Variants in HTR2C observed in about 807,000 individuals in gnomAD.
HTR2C encodes 5-hydroxytryptamine (serotonin) receptor 2C, G protein-coupled.
Under a neutral mutation model 21.0 loss-of-function variants are expected in HTR2C, and 5 were observed. The ratio of observed to expected loss-of-function variants is 0.24; its 90% CI spans 0.12 to 0.50. The LOEUF (loss-of-function observed/expected upper bound fraction) is 0.50, where lower values mean the gene tolerates loss of function less well. Among genes scored for constraint, HTR2C ranks in the 20% least tolerant of loss-of-function variants. HTR2C has a pLI of 0.98. For missense variants in HTR2C, 271 were observed against 371.2 expected (o/e 0.73, Z 2.22); for synonymous variants, 150 against 145.3 (o/e 1.03, Z -0.23).
At chrX:114,615,115 G>C (rs1289836235) in intron 2 of HTR2C, among the ~76,000 whole-genome samples, 1 of 111,471 alleles carries the variant, frequency 9.0e-6, no homozygotes, top group Non-Finnish European at 1.9e-5. Context: ...AAAGAGGATA[G>C]GGATGGAATA....
intron 2 of HTR2C, among the ~76,000 whole-genome samples, chrX:114,685,950 G>A (rs1931899619): frequency 9.0e-6 from 1 of 110,934 alleles, no homozygotes; most frequent in Admixed American, 9.7e-5. Flanking sequence ...TCATCATTAG[G>A]GAAATTGGCC....
intron 5 of HTR2C, among the ~76,000 whole-genome samples, chrX:114,876,234 A>T (rs895930284): frequency 3.6e-5 from 4 of 109,736 alleles, no homozygotes. Flanking sequence ...TAGAAATGCA[A>T]CTGATTTTTG....
chrX:114,883,501 T>C (rs2071197889), intron 5 of HTR2C, among the ~76,000 whole-genome samples: 1 of 110,510 alleles, frequency 9.0e-6, no homozygotes, highest in South Asian at 3.8e-4. Flanking sequence ...GTGTCTTAGA[T>C]GGAAGCTCAG....
rs143877169 is a variant in HTR2C at position 114,782,397 on chromosome X, T to G, written c.349+50790T>G. 5.0e-3 allele frequency among the ~76,000 whole-genome samples: 563 copies of G among 111,611 alleles called. 2 individuals carry two copies. The highest frequency in any genetic ancestry group is 0.047 in the Middle Eastern group (10 of 213). On this transcript the variant is annotated intron_variant, in intron 4 of 5. Transcript: ENST00000276198. ...ATGATGAATGTGTGAATAATTCTAATGAAATATTGACTTATAAAACAAAAT... is the reference window on the plus strand; with the variant it reads ...ATGATGAATGTGTGAATAATTCTAAGGAAATATTGACTTATAAAACAAAAT...
chrX:114,842,467 T>G (rs368526743), intron 4 of HTR2C, among the ~76,000 whole-genome samples: 1 of 111,991 alleles, frequency 8.9e-6, no homozygotes, highest in East Asian at 2.8e-4. Flanking sequence ...CAAGTAACAC[T>G]AGACCACACA....
At chrX:114,652,611 T>C (rs1556408667) in intron 2 of HTR2C, 1 of 362,990 alleles carries the variant, frequency 2.8e-6, no homozygotes, top group Non-Finnish European at 5.5e-6. Flanking sequence ...GAAAATATCA[T>C]AACATATTCA....
chrX:114,805,200 G>C (rs2070389490), intron 4 of HTR2C, among the ~76,000 whole-genome samples: 1 of 110,523 alleles, frequency 9.0e-6, no homozygotes, highest in South Asian at 3.8e-4. Context: ...TTACTCTGTA[G>C]CCATTTTTTC....
chrX:114,864,091 A>C (rs1426446595), intron 5 of HTR2C, among the ~76,000 whole-genome samples: 32 of 105,898 alleles, frequency 3.0e-4, no homozygotes, highest in Non-Finnish European at 5.8e-4. Context: ...CCACTCAGCC[A>C]CTCTGTTTTT....
intron 5 of HTR2C, among the ~76,000 whole-genome samples, chrX:114,849,945 TACAA>T (rs1408530093): frequency 1.8e-5 from 2 of 111,937 alleles, no homozygotes; most frequent in Non-Finnish European, 1.9e-5. Flanking sequence ...GAAATAAACT[TACAA>T]ACACTTCAGA....
In HTR2C at chrX:114,731,248, G is replaced by A. The variant is rs781928553; in HGVS notation, c.36-46G>A. The A allele has an allele frequency of 7.4e-6, 7 of 950,852 alleles. No individual in the cohort carries two copies. The East Asian group carries it at 2.1e-4, about 29-fold the overall frequency. The allele number at this position is 950,852 out of a possible 1,213,427, so 78.4% of individuals were successfully genotyped here. On this transcript the variant is annotated intron_variant, in intron 3 of 5. Transcript: ENST00000276198. The stretch of plus-strand genomic sequence containing the variant: ...TGCATGAGCAACGTATTGTGTATAA[G>A]TAATATAATATGTACCTGATTGTTT...
chrX:114,774,858 G>T, intron 4 of HTR2C: 2 of 517,083 alleles, frequency 3.9e-6, no homozygotes, highest in South Asian at 5.2e-5. Context: ...TGGGCCTTGA[G>T]GAAGCACCAC....
Position 114,592,541 on chromosome X carries a change from A to T in HTR2C, c.-147+7882A>T, listed in dbSNP as rs782531771. 2.5e-4 allele frequency among the ~76,000 whole-genome samples: 28 copies of T among 111,873 alleles called. No homozygotes were observed. In the South Asian group the frequency reaches 0.01, roughly 40 times the overall value. Reference sequence around the variant, plus strand: ...TATAGAGTGAGAAATTATTAAAAAAACACTCTATCCCTTCTCCCAGATTTC... The same window carrying T: ...TATAGAGTGAGAAATTATTAAAAAATCACTCTATCCCTTCTCCCAGATTTC... On this transcript the variant is annotated intron_variant, in intron 1 of 5. Coordinates refer to ENST00000276198, the MANE Select transcript of HTR2C (RefSeq NM_000868.4).
intron 2 of HTR2C, among the ~76,000 whole-genome samples, chrX:114,696,915 G>T (rs1027442730): frequency 9.0e-6 from 1 of 111,334 alleles, no homozygotes; most frequent in South Asian, 3.8e-4. Context: ...TGCAGGGAAA[G>T]GATTTAAAAA....
intron 4 of HTR2C, among the ~76,000 whole-genome samples, chrX:114,771,199 C>G (rs1283547762): frequency 9.0e-6 from 1 of 111,436 alleles, no homozygotes; most frequent in Non-Finnish European, 1.9e-5. Context: ...TCTACTCCAA[C>G]CTCTAGTGTT....
intron 5 of HTR2C, among the ~76,000 whole-genome samples, chrX:114,867,636 T>A (rs1455265432): frequency 8.9e-6 from 1 of 112,069 alleles, no homozygotes; most frequent in Non-Finnish European, 1.9e-5. Flanking sequence ...TTTCATATTT[T>A]GAGGTCTTAC....
At position 114,731,382 on chromosome X, in the gene HTR2C, G is replaced by A; in HGVS notation, c.124G>A (p.Asp42Asn). The stretch of plus-strand genomic sequence containing the variant: ...AGTAACTGACATTTTCAATACCTCC[G>A]ATGGTGGACGCTTCAAATTCCCAGA... ...AIVTDIFNTS[D>N]GGRFKFPDGV... The change falls in exon 4 of 6, where the codon GAT becomes AAT. Residue 42 changes from aspartate to asparagine, a missense_variant. This residue lies in a region of HTR2C where 57 missense variants were observed against 64.0 expected (regional missense o/e 0.89). Transcript: ENST00000276198. 3.3e-6 allele frequency: 4 copies of A among 1,204,208 alleles called. No homozygotes were observed. Among genetic ancestry groups the A allele is most frequent in the South Asian group, 1.8e-5 (1 of 56,782 alleles).
intron 5 of HTR2C, among the ~76,000 whole-genome samples, chrX:114,880,808 A>AT (rs1245822947): frequency 1.8e-5 from 2 of 111,275 alleles, no homozygotes; most frequent in African/African-American, 3.2e-5. Context: ...ATATATCAGA[A>AT]TTTTTTTTCA....
rs1260013407 is a variant in HTR2C at position 114,725,421 on chromosome X, A to AT, written c.-79-1430dup. Among the ~76,000 whole-genome samples, 19 of 109,811 alleles carry AT rather than the reference A, an allele frequency of 1.7e-4. No homozygotes were observed. The South Asian group carries it at 7.5e-3, about 43-fold the overall frequency. On this transcript the variant is annotated intron_variant, in intron 2 of 5. Transcript: ENST00000276198. ...TTATTCTAGTTATACATTCTTCTAA[A>AT]TTTTTTTCAAAGTTTTCATCTTCTT... is the stretch of plus-strand genomic sequence containing the variant.
Position 114,807,216 on chromosome X carries a change from T to C in HTR2C, c.350-40787T>C, listed in dbSNP as rs200814820. On this transcript the variant is annotated intron_variant, in intron 4 of 5. Coordinates refer to ENST00000276198, the MANE Select transcript of HTR2C (RefSeq NM_000868.4). ...ACCATATATATATACACCATATATA[T>C]ACCATGTATATATACACCATATATA... Among the ~76,000 whole-genome samples the C allele has an allele frequency of 5.8e-3, 403 of 69,816 alleles. 29 individuals carry two copies. Among genetic ancestry groups the C allele is most frequent in the African/African-American group, 0.027 (352 of 13,076 alleles). 60.6% of individuals were successfully genotyped at this position (69,816 alleles called of 115,157 possible). A position where few individuals can be genotyped will look rare whatever the true frequency, so the allele number is the denominator to read the frequency against.
Sources: allele counts gnomAD v4.1 joint callset (sites outside exome capture counted in the v4.1 genomes callset), GRCh38; gene constraint gnomAD v4.1.1; regional missense constraint gnomAD v4.1.1; transcripts MANE v1.5; gene names NCBI Gene and HGNC (gene_info 2026-07-23, HGNC 2026-07-21).